Variants in GPHN observed in about 807,000 individuals in gnomAD.
GPHN encodes the protein gephyrin.
A neutral mutation model predicts 95.5 loss-of-function variants in GPHN; 17 were observed. The ratio of observed to expected loss-of-function variants is 0.18; its 90% CI spans 0.12 to 0.27. The LOEUF (loss-of-function observed/expected upper bound fraction) is 0.27, where lower values mean the gene tolerates loss of function less well. Among genes scored for constraint, GPHN ranks in the 10% least tolerant of loss-of-function variants. The probability of loss-of-function intolerance (pLI) is 1.00; values close to 1 mark genes in which losing one functional copy is unlikely to be tolerated. For synonymous variants in GPHN, 320 were observed against 322.5 expected (o/e 0.99, Z 0.08); for missense variants, 660 against 978.1 (o/e 0.67, Z 4.34).
chr14:67,722,691 A>G, the GPHN span: 1 of 1,613,754 alleles, frequency 6.2e-7, no homozygotes, highest in Non-Finnish European at 8.5e-7. Context: ...GTTCCTGTAT[A>G]TGGTAGCTCC....
chr14:66,590,803 TTGAGACCAGTATCATCC>T (rs1328856784), intron 1 of GPHN, among the ~76,000 whole-genome samples: 2 of 152,124 alleles, frequency 1.3e-5, no homozygotes, highest in Non-Finnish European at 2.9e-5. Context: ...AACTCATTTT[TTGAGACCAGTATCATCC>T]TGATACCAAA....
At chr14:67,314,415 A>T in the GPHN span, among the ~76,000 whole-genome samples, 6 of 152,216 alleles carry the variant, frequency 3.9e-5, no homozygotes, top group Non-Finnish European at 8.8e-5. Context: ...CTCACTTTAA[A>T]ACTCAGAGGC....
At chr14:67,054,064 C>G (rs1341067312) in intron 10 of GPHN, among the ~76,000 whole-genome samples, 3 of 152,156 alleles carry the variant, frequency 2.0e-5, no homozygotes, top group South Asian at 2.1e-4. Flanking sequence ...GACAAGGATG[C>G]CTTCTCTCAC....
the GPHN span, chr14:67,587,071 T>TA: frequency 6.3e-7 from 1 of 1,594,044 alleles, no homozygotes; most frequent in African/African-American, 1.3e-5. Flanking sequence ...GACCTCCTCT[T>TA]AGATTGCAGA....
chr14:67,091,657 G>A (rs1475997758), intron 12 of GPHN, among the ~76,000 whole-genome samples: 1 of 151,592 alleles, frequency 6.6e-6, no homozygotes, highest in Non-Finnish European at 1.5e-5. Flanking sequence ...ATATTGTTCT[G>A]TGATTTTTAC....
the GPHN span, chr14:67,347,292 G>A: frequency 2.5e-6 from 2 of 793,336 alleles, no homozygotes; most frequent in Non-Finnish European, 2.0e-6. Context: ...TCAAATAAGA[G>A]GATTTCTAAC....
chr14:66,756,950 T>C (rs1316715269), intron 2 of GPHN, among the ~76,000 whole-genome samples: 1 of 152,184 alleles, frequency 6.6e-6, no homozygotes, highest in Non-Finnish European at 1.5e-5. Context: ...CACATAGTGG[T>C]CTTTGAATTA....
intron 5 of GPHN, among the ~76,000 whole-genome samples, chr14:66,891,512 G>C (rs111859621): frequency 6.6e-6 from 1 of 151,982 alleles, no homozygotes; most frequent in African/African-American, 2.4e-5. Flanking sequence ...TCAAAGACCT[G>C]TACACAAGAG....
chr14:67,195,747 G>A, the GPHN span, among the ~76,000 whole-genome samples: 2,335 of 151,870 alleles, frequency 0.015, 27 homozygotes, highest in Non-Finnish European at 0.024. Flanking sequence ...GTGTGTGTGT[G>A]TGTGTGTGTG....
intron 10 of GPHN, among the ~76,000 whole-genome samples, chr14:67,052,020 C>T (rs2075328163): frequency 1.3e-5 from 2 of 152,156 alleles, no homozygotes; most frequent in South Asian, 4.2e-4. Context: ...CTAAAGTACA[C>T]AGACCAATGA....
intron 13 of GPHN, among the ~76,000 whole-genome samples, chr14:67,107,172 G>T (rs137956049): frequency 2.0e-5 from 3 of 152,232 alleles, no homozygotes; most frequent in Non-Finnish European, 4.4e-5. Context: ...TTGGTGTCAA[G>T]GGCTTTTAGA....
the GPHN span, among the ~76,000 whole-genome samples, chr14:67,669,018 G>C: frequency 6.6e-6 from 1 of 152,124 alleles, no homozygotes; most frequent in South Asian, 2.1e-4. Context: ...AAATAAAATG[G>C]CTAGTAGCTC....
intron 2 of GPHN, among the ~76,000 whole-genome samples, chr14:66,768,365 CTT>C (rs1482653088): frequency 2.6e-5 from 4 of 151,934 alleles, no homozygotes; most frequent in Non-Finnish European, 5.9e-5. Flanking sequence ...GATAATCTCT[CTT>C]TTAAGTTATT....
At chr14:67,571,493 TG>T in the GPHN span, 1 of 403,320 alleles carries the variant, frequency 2.5e-6, no homozygotes, top group South Asian at 5.2e-5. Flanking sequence ...AGGGTCACAG[TG>T]GGCAGGCATT....
At chr14:67,378,519 T>C in the GPHN span, among the ~76,000 whole-genome samples, 1 of 152,296 alleles carries the variant, frequency 6.6e-6, no homozygotes, top group South Asian at 2.1e-4. Flanking sequence ...AGCCAGGCAG[T>C]ATTCAAACGC....
At chr14:67,474,097 C>T in the GPHN span, among the ~76,000 whole-genome samples, 95 of 152,202 alleles carry the variant, frequency 6.2e-4, no homozygotes, top group Middle Eastern at 0.014. Flanking sequence ...ACTAAAAATA[C>T]AAAAATTAGC....
At chr14:66,583,581 T>A (rs1187278883) in intron 1 of GPHN, among the ~76,000 whole-genome samples, 3 of 152,156 alleles carry the variant, frequency 2.0e-5, no homozygotes, top group Non-Finnish European at 4.4e-5. Context: ...AAGGAAGGGA[T>A]CCAGTTTCAG....
rs113809580 is a variant in GPHN at position 66,794,560 on chromosome 14, A to C, written c.201+18039A>C. Among the ~76,000 whole-genome samples the C allele has an allele frequency of 8.1e-3, 1,240 of 152,332 alleles. 9 individuals carry two copies. Among genetic ancestry groups the C allele is most frequent in the African/African-American group, 0.028 (1,177 of 41,582 alleles). On this transcript the variant is annotated intron_variant, in intron 3 of 22. Coordinates refer to ENST00000478722, the MANE Select transcript of GPHN (RefSeq NM_020806.5). ...AAATATATAATTAAAATTCTTTATC[A>C]GTTTGCATACTTCTATAAAAAGGTG...
intron 2 of GPHN, among the ~76,000 whole-genome samples, chr14:66,775,523 A>G (rs2059350199): frequency 6.6e-6 from 1 of 152,222 alleles, no homozygotes; most frequent in Non-Finnish European, 1.5e-5. Flanking sequence ...TTATTTTAAC[A>G]TGTAGTCAAT....
Sources: gnomAD v4.1 joint callset for allele counts (sites outside exome capture counted in the v4.1 genomes callset) on GRCh38, gnomAD v4.1.1 for gene constraint, MANE v1.5 for transcripts, NCBI Gene and HGNC (gene_info 2026-07-23, HGNC 2026-07-21) for gene names.